Variants in KIF21A observed in about 807,000 individuals in gnomAD.
KIF21A encodes kinesin family member 21A, also known as kinesin-like protein KIF21A.
In KIF21A, 114 loss-of-function variants were observed where a neutral mutation model predicts 202.9. That is an observed-to-expected ratio of 0.56 (90% CI 0.48 to 0.66). KIF21A has a LOEUF of 0.66. Among genes scored for constraint, KIF21A ranks in the 30% least tolerant of loss-of-function variants. The pLI, the probability that KIF21A is intolerant of heterozygous loss-of-function variation, is 0.00. For missense variants in KIF21A, 1,677 were observed against 1,994.9 expected, an observed-to-expected ratio of 0.84 and a Z score of 3.04; for synonymous variants, 667 against 670.8, an observed-to-expected ratio of 0.99 and a Z score of 0.09.
chr12:39,441,554 A>G (rs1163834166), intron 1 of KIF21A, among the ~76,000 whole-genome samples: 1 of 151,386 alleles, frequency 6.6e-6, no homozygotes, highest in Non-Finnish European at 1.5e-5. Context: ...CTAATCTAAC[A>G]ATTGGATAAG....
chr12:39,340,835 TAAAG>T, intron 15 of KIF21A, 67 bp downstream of exon 15: 1 of 1,122,002 alleles, frequency 8.9e-7, no homozygotes, highest in Non-Finnish European at 1.3e-6. Context: ...TTTTTTCTTC[TAAAG>T]GAAAAGATAA....
chr12:39,326,616 G>A (rs988995056), intron 24 of KIF21A, among the ~76,000 whole-genome samples: 1 of 152,160 alleles, frequency 6.6e-6, no homozygotes, highest in Non-Finnish European at 1.5e-5. Flanking sequence ...GAATACTGAA[G>A]AGTCATGTAC....
At chr12:39,380,117 G>A (rs955013966) in intron 1 of KIF21A, among the ~76,000 whole-genome samples, 5 of 152,150 alleles carry the variant, frequency 3.3e-5, no homozygotes, top group African/African-American at 1.2e-4. Flanking sequence ...ACAGGAGCAC[G>A]CTGCCATGCC....
intron 13 of KIF21A, 43 bp downstream of exon 13, chr12:39,341,991 A>C: frequency 7.2e-7 from 1 of 1,390,248 alleles, no homozygotes; most frequent in South Asian, 1.2e-5. Context: ...AGAACAACCA[A>C]ACCTGGTGAC....
intron 1 of KIF21A, among the ~76,000 whole-genome samples, chr12:39,409,260 C>T (rs576972376): frequency 6.6e-6 from 1 of 151,852 alleles, no homozygotes; most frequent in South Asian, 2.1e-4. Context: ...TGGTTCACAT[C>T]TGTAATCCCA....
intron 28 of KIF21A, among the ~76,000 whole-genome samples, chr12:39,318,929 C>A (rs983007007): frequency 2.0e-5 from 3 of 150,968 alleles, no homozygotes; most frequent in African/African-American, 7.3e-5. Flanking sequence ...TGCAGTGAGC[C>A]GAGATAGCGC....
At position 39,421,287 on chromosome 12, in the gene KIF21A, C is replaced by T. The variant is rs955194876; in HGVS notation, c.44+21640G>A. On this transcript the variant is annotated intron_variant, in intron 1 of 37. Coordinates refer to ENST00000361418, the MANE Select transcript of KIF21A (RefSeq NM_001173464.2). ...CCATCAAGGTTTGTATAAGTATACTCTATTATGTTCACACAACCGCAAAAT... is the reference window on the plus strand; with the variant it reads ...CCATCAAGGTTTGTATAAGTATACTTTATTATGTTCACACAACCGCAAAAT... Among the ~76,000 whole-genome samples the T allele has an allele frequency of 3.3e-5, 5 of 152,188 alleles. No homozygotes were observed. In the East Asian group the frequency reaches 9.6e-4, roughly 29 times the overall value.
intron 24 of KIF21A, among the ~76,000 whole-genome samples, chr12:39,327,488 A>G (rs192943468): frequency 6.6e-6 from 1 of 152,350 alleles, no homozygotes; most frequent in Admixed American, 6.5e-5. Flanking sequence ...TTATGTTATA[A>G]AGAAATGACA....
At chr12:39,357,552 C>A (rs763861983) in intron 8 of KIF21A, 115 bp from the exon 9 acceptor site, 115 of 853,750 alleles carry the variant, frequency 1.3e-4, no homozygotes, top group Non-Finnish European at 2.1e-4. Flanking sequence ...TTCATCTTAC[C>A]AACCCCAAGG....
chr12:39,427,164 A>G (rs903208732), intron 1 of KIF21A, among the ~76,000 whole-genome samples: 2 of 152,186 alleles, frequency 1.3e-5, no homozygotes, highest in African/African-American at 4.8e-5. Context: ...AGTAACTAAT[A>G]AACGGAACTG....
At chr12:39,367,498 A>AT (rs1014810965) in intron 4 of KIF21A, among the ~76,000 whole-genome samples, 8 of 152,170 alleles carry the variant, frequency 5.3e-5, no homozygotes, top group Non-Finnish European at 1.0e-4. Context: ...CGTTAAAATT[A>AT]TTTTTTGTAA....
Position 39,356,889 on chromosome 12 carries a change from C to T in KIF21A, c.1412G>A (p.Gly471Glu), listed in dbSNP as rs778450822. 2.4e-6 allele frequency: 3 copies of T among 1,275,236 alleles called. No homozygotes were observed. Among genetic ancestry groups the T allele is most frequent in the East Asian group, 2.3e-5 (1 of 43,094 alleles). The allele number at this position is 1,275,236 out of a possible 1,614,324, so 79.0% of individuals were successfully genotyped here. A position where few individuals can be genotyped will look rare whatever the true frequency, so the allele number is the denominator to read the frequency against. Reference sequence around the variant, plus strand: ...AATCATATTACTAATCTCCTCATTTCCTTCACCTGAAAGACAAAATATGAA... The same window carrying T: ...AATCATATTACTAATCTCCTCATTTTCTTCACCTGAAAGACAAAATATGAA... ...ANHVLARAGE[G>E]NEEISNMIHS... Residue 471 changes from glycine to glutamate, a missense_variant, in exon 10 of 38, where the codon GGA becomes GAA. Gly to Glu is a moderately conservative substitution (Grantham distance 98). Around this residue, in one of 3 missense-constraint regions of KIF21A, gnomAD observed 966 missense variants for 1,180.9 expected, o/e 0.82. Transcript: ENST00000361418.
At chr12:39,404,645 T>C (rs1381250298) in intron 1 of KIF21A, among the ~76,000 whole-genome samples, 1 of 152,228 alleles carries the variant, frequency 6.6e-6, no homozygotes, top group Admixed American at 6.5e-5. Flanking sequence ...CTACTTGCAA[T>C]GTAATACTAC....
intron 1 of KIF21A, among the ~76,000 whole-genome samples, chr12:39,383,965 G>A (rs554926511): frequency 1.3e-5 from 2 of 152,234 alleles, no homozygotes; most frequent in Admixed American, 1.3e-4. Context: ...TAGGAGCTGA[G>A]ATTCTGCATT....
At chr12:39,366,108 C>T (rs184520256) in intron 6 of KIF21A, among the ~76,000 whole-genome samples, 30 of 152,174 alleles carry the variant, frequency 2.0e-4, no homozygotes, top group Middle Eastern at 3.4e-3. Flanking sequence ...TAATTTTCTG[C>T]ACATATAAAT....
intron 21 of KIF21A, 178 bp downstream of exon 21, chr12:39,332,036 C>T: frequency 1.5e-6 from 1 of 680,666 alleles, no homozygotes. Context: ...AATGTTATCA[C>T]ACAATCAGCA....
chr12:39,311,274 T>C (rs1391896398), intron 32 of KIF21A, 143 bp downstream of exon 32: 8 of 718,142 alleles, frequency 1.1e-5, no homozygotes, highest in Middle Eastern at 4.0e-4. Flanking sequence ...AATAATTTTA[T>C]ATATTTTACA....
chr12:39,352,060 C>T, intron 10 of KIF21A, 80 bp from the exon 11 acceptor site: 4 of 1,020,966 alleles, frequency 3.9e-6, no homozygotes, highest in Non-Finnish European at 6.1e-6. Context: ...TACCACACTA[C>T]CATTTCTTAA....
intron 34 of KIF21A, 101 bp from the exon 35 acceptor site, chr12:39,305,039 A>T (rs1943316577): frequency 4.3e-6 from 3 of 700,500 alleles, no homozygotes; most frequent in African/African-American, 1.8e-5. Flanking sequence ...AAAATAATTC[A>T]CTAACTTTTT....
Sources: allele counts gnomAD v4.1 joint callset (sites outside exome capture counted in the v4.1 genomes callset), GRCh38; gene constraint gnomAD v4.1.1; regional missense constraint gnomAD v4.1.1; transcripts MANE v1.5; gene names NCBI Gene and HGNC (gene_info 2026-07-23, HGNC 2026-07-21).